CYP4Z1: variants seen among roughly 807,000 people sequenced by gnomAD.
CYP4Z1 encodes cytochrome P450 family 4 subfamily Z member 1, also known as cytochrome P450 4Z1.
A neutral mutation model predicts 54.2 loss-of-function variants in CYP4Z1; 41 were observed. The observed-to-expected ratio is 0.76, with a 90% confidence interval of 0.59 to 0.98. The LOEUF (loss-of-function observed/expected upper bound fraction) is 0.98, where lower values mean the gene tolerates loss of function less well. Among genes scored for constraint, CYP4Z1 ranks in the 50% least tolerant of loss-of-function variants. The probability of loss-of-function intolerance (pLI) is 0.00; values close to 1 mark genes in which losing one functional copy is unlikely to be tolerated. For synonymous variants in CYP4Z1, 163 were observed against 206.2 expected (o/e 0.79, Z 1.79); for missense variants, 513 against 599.0 (o/e 0.86, Z 1.50).
chr1:47,091,437 T>C (rs1375066078), intron 6 of CYP4Z1, among the ~76,000 whole-genome samples: 4 of 145,364 alleles, frequency 2.8e-5, no homozygotes, highest in Admixed American at 2.0e-4. Context: ...TGATATTTTA[T>C]AGGAGGTCCA....
rs745842351 is a variant in CYP4Z1 at position 47,084,897 on chromosome 1, C to T, written c.691C>T (p.His231Tyr). Residue 231 changes from histidine (H) to tyrosine (Y), a missense_variant, in exon 6 of 12, where the codon CAT becomes TAT. His to Tyr is a moderately conservative substitution (Grantham distance 83). Transcript: ENST00000334194. ...ISNQRMNNFL[H>Y]HNDLVFKFSS... ...CAACCAGCGCATGAACAATTTTCTA[C>T]ATCACAACGACCTGGTTTTCAAATT... is the stretch of plus-strand genomic sequence containing the variant. 1.9e-6 allele frequency: 3 copies of T among 1,541,300 alleles called. No homozygotes were observed. In the Admixed American group the frequency reaches 6.0e-5, roughly 31 times the overall value.
At chr1:47,068,559 A>G in intron 1 of CYP4Z1, 63 bp from the exon 2 acceptor site, 4 of 1,588,978 alleles carry the variant, frequency 2.5e-6, no homozygotes, top group Non-Finnish European at 3.4e-6. Context: ...GGTCCATCCG[A>G]GGGAAAGGGG....
chr1:47,068,060 G>A (rs925935520), intron 1 of CYP4Z1, among the ~76,000 whole-genome samples: 1 of 152,084 alleles, frequency 6.6e-6, no homozygotes, highest in African/African-American at 2.4e-5. Context: ...GCTGGAAATA[G>A]GAAAACATTT....
At chr1:47,062,184 A>T in the CYP4Z1 span, among the ~76,000 whole-genome samples, 3 of 152,172 alleles carry the variant, frequency 2.0e-5, no homozygotes, top group African/African-American at 7.2e-5. Context: ...TGGCCAAAGC[A>T]ATCAGGCAAG....
Position 47,084,671 on chromosome 1 carries a change from C to T in CYP4Z1, c.544C>T (p.His182Tyr). ...AQNSRLELFQHVSLMTLDSIM... is the reference protein window; with the variant it reads ...AQNSRLELFQYVSLMTLDSIM... ...AAACTCACGTCTGGAGCTCTTTCAA[C>T]ATGTCTCCCTGATGACCCTGGACAG... The change falls in exon 5 of 12, where the codon CAT becomes TAT. Residue 182 changes from histidine (H) to tyrosine (Y), a missense_variant. Physicochemically the swap from His to Tyr is moderately conservative, Grantham distance 83. Transcript: ENST00000334194. 1 of 1,608,500 alleles carries T rather than the reference C, an allele frequency of 6.2e-7. No individual in the cohort carries two copies. The highest frequency in any genetic ancestry group is 8.5e-7 in the Non-Finnish European group (1 of 1,178,038).
chr1:47,068,829 C>T, intron 2 of CYP4Z1, 66 bp downstream of exon 2: 1 of 1,567,502 alleles, frequency 6.4e-7, no homozygotes, highest in Non-Finnish European at 8.6e-7. Flanking sequence ...GTCTGTGGCA[C>T]TAGGGAAGGA....
rs1203947026 is a variant in CYP4Z1, at chr1:47,068,783, C to T, written c.319+20C>T. The stretch of plus-strand genomic sequence containing the variant: ...GACAAGGTAAAAACCAAGAGGGGCT[C>T]ACAGTACAGAGCAGCAACAAAGAGG... On this transcript the variant is annotated intron_variant, in intron 2 of 11. Transcript: ENST00000334194. The T allele has an allele frequency of 1.2e-6, 2 of 1,612,954 alleles. No homozygotes were observed. The highest frequency in any genetic ancestry group is 8.5e-7 in the Non-Finnish European group (1 of 1,179,452).
At chr1:47,069,979 G>C (rs958489704) in intron 2 of CYP4Z1, among the ~76,000 whole-genome samples, 2 of 121,574 alleles carry the variant, frequency 1.6e-5, no homozygotes, top group African/African-American at 6.8e-5. Context: ...TGTGATAACT[G>C]TACAGTTACA....
At chr1:47,062,489 C>A (rs112346197), upstream of CYP4Z1, among the ~76,000 whole-genome samples, 1 of 152,186 alleles carries the variant, frequency 6.6e-6, no homozygotes, top group African/African-American at 2.4e-5. Context: ...CTCATTGCAG[C>A]TGGGGAGGGC....
intron 6 of CYP4Z1, among the ~76,000 whole-genome samples, chr1:47,088,737 C>A (rs1466180394): frequency 7.2e-6 from 1 of 138,348 alleles, no homozygotes; most frequent in Non-Finnish European, 1.5e-5. Context: ...CTGCCTCAGC[C>A]CCCCAAGCAG....
At chr1:47,117,564 A>C (rs1644839294) in intron 11 of CYP4Z1, among the ~76,000 whole-genome samples, 1 of 152,158 alleles carries the variant, frequency 6.6e-6, no homozygotes, top group Non-Finnish European at 1.5e-5. Flanking sequence ...CAGCCTGGCC[A>C]ACATGGTAAA....
the CYP4Z1 span, among the ~76,000 whole-genome samples, chr1:47,061,884 A>G: frequency 0.022 from 3,289 of 152,326 alleles, 110 homozygotes; most frequent in African/African-American, 0.075. Context: ...CAACATACAC[A>G]AATCAATAAA....
chr1:47,059,850 A>C, the CYP4Z1 span, among the ~76,000 whole-genome samples: 2 of 152,210 alleles, frequency 1.3e-5, no homozygotes, highest in African/African-American at 4.8e-5. Context: ...ATGCACCTTC[A>C]GCCTGACTGT....
chr1:47,099,366 T>C, intron 8 of CYP4Z1, 82 bp downstream of exon 8: 2 of 1,336,310 alleles, frequency 1.5e-6, no homozygotes, highest in South Asian at 3.0e-5. Context: ...AGTAAGTTAT[T>C]GTGCATTGAG....
chr1:47,057,327 G>GAAAAAAAAAAAAAAAAAAAAAAAAAAA, the CYP4Z1 span, among the ~76,000 whole-genome samples: 1 of 18,030 alleles, frequency 5.5e-5, no homozygotes, highest in African/African-American at 2.1e-4. Flanking sequence ...TACTTCTTAA[G>GAAAAAAAAAAAAAAAAAAAAAAAAAAA]AAAAAAAAAT....
At chr1:47,115,960 C>G (rs1644826971) in intron 10 of CYP4Z1, among the ~76,000 whole-genome samples, 1 of 152,136 alleles carries the variant, frequency 6.6e-6, no homozygotes, top group African/African-American at 2.4e-5. Flanking sequence ...ATTAAAGTAG[C>G]AAGATTATGG....
intron 7 of CYP4Z1, among the ~76,000 whole-genome samples, chr1:47,097,585 T>G (rs1418698417): frequency 6.6e-6 from 1 of 152,232 alleles, no homozygotes; most frequent in African/African-American, 2.4e-5. Flanking sequence ...CATTGCTTGT[T>G]ATTGTTGACT....
intron 2 of CYP4Z1, among the ~76,000 whole-genome samples, chr1:47,077,496 T>C (rs920131782): frequency 4.6e-5 from 7 of 152,180 alleles, no homozygotes; most frequent in African/African-American, 1.7e-4. Context: ...TATTAATGGG[T>C]CCCATTTTTT....
intron 2 of CYP4Z1, among the ~76,000 whole-genome samples, chr1:47,080,046 C>T (rs1237151379): frequency 1.3e-5 from 2 of 151,386 alleles, no homozygotes; most frequent in Admixed American, 1.3e-4. Context: ...TTTTCTCCCC[C>T]ATTTTTATTT....
Sources: gnomAD v4.1 joint callset for allele counts (sites outside exome capture counted in the v4.1 genomes callset) on GRCh38, gnomAD v4.1.1 for gene constraint, MANE v1.5 for transcripts, NCBI Gene and HGNC (gene_info 2026-07-23, HGNC 2026-07-21) for gene names.